DISC1: variants seen among roughly 807,000 people sequenced by gnomAD.
The protein encoded by DISC1 is DISC1 scaffold protein.
In DISC1, 57 loss-of-function variants were observed where a neutral mutation model predicts 84.5. That is an observed-to-expected ratio of 0.67 (90% CI 0.55 to 0.84). The LOEUF (loss-of-function observed/expected upper bound fraction) is 0.84. DISC1 is among the 40% of genes least tolerant of loss of function. The probability of loss-of-function intolerance (pLI) is 0.00; values close to 1 mark genes in which losing one functional copy is unlikely to be tolerated. For synonymous variants in DISC1, 411 were observed against 415.2 expected, an observed-to-expected ratio of 0.99 and a Z score of 0.12; for missense variants, 1,000 against 1,057.8, an observed-to-expected ratio of 0.95 and a Z score of 0.76.
intron 9 of DISC1, among the ~76,000 whole-genome samples, chr1:231,876,921 T>C (rs1336798666): frequency 6.6e-6 from 1 of 152,190 alleles, no homozygotes; most frequent in Non-Finnish European, 1.5e-5. Flanking sequence ...GCAGGGTGTG[T>C]ACAGGGTGCC....
intron 6 of DISC1, among the ~76,000 whole-genome samples, chr1:231,781,617 C>T (rs1469583379): frequency 6.6e-6 from 1 of 152,138 alleles, no homozygotes; most frequent in African/African-American, 2.4e-5. Context: ...TTTTAGTTTC[C>T]ATTATTATCA....
At position 231,871,232 on chromosome 1, in the gene DISC1, C is replaced by T. The variant is rs537555416; in HGVS notation, c.1981+52715C>T. On this transcript the variant is annotated intron_variant, in intron 9 of 12. Coordinates refer to ENST00000439617, the MANE Select transcript of DISC1 (RefSeq NM_018662.3). ...AGGCTACAAATGCATATATACTTTGCAGAGCATTGCCTATTAGTCGCCATT... is the reference window on the plus strand; with the variant it reads ...AGGCTACAAATGCATATATACTTTGTAGAGCATTGCCTATTAGTCGCCATT... 2.0e-5 allele frequency among the ~76,000 whole-genome samples: 3 copies of T among 152,280 alleles called. No individual in the cohort carries two copies. The South Asian group carries it at 6.2e-4, about 32-fold the overall frequency.
At chr1:231,912,919 G>A (rs1306628981) in intron 9 of DISC1, among the ~76,000 whole-genome samples, 2 of 131,184 alleles carry the variant, frequency 1.5e-5, no homozygotes, top group African/African-American at 5.8e-5. Context: ...CTTTCTTTCT[G>A]TTCTTCTTTT....
In DISC1 at chr1:232,009,879, C is replaced by G. The variant is rs557675419; in HGVS notation, c.2307+830C>G. Among the ~76,000 whole-genome samples, 23 of 152,280 alleles carry G rather than the reference C, an allele frequency of 1.5e-4. No individual in the cohort carries two copies. The highest frequency in any genetic ancestry group is 1.4e-3 in the Admixed American group (21 of 15,294). ...GAGGCTGGAGGAACTTGACACATGG[C>G]TTTCAAGTCTCATGGTTGATGTTAG... is the stretch of plus-strand genomic sequence containing the variant. On this transcript the variant is annotated intron_variant, in intron 11 of 12. Coordinates refer to ENST00000439617, the MANE Select transcript of DISC1 (RefSeq NM_018662.3). This position sits in a 1 kb window ranked among gnomAD's most constrained non-coding sequence, Gnocchi z 4.6.
intron 9 of DISC1, among the ~76,000 whole-genome samples, chr1:231,836,252 A>AT (rs931707734): frequency 1.3e-5 from 2 of 151,996 alleles, no homozygotes; most frequent in African/African-American, 2.4e-5. Flanking sequence ...TTACAGGACT[A>AT]TTTTTTTCCT....
At chr1:231,668,671 C>A (rs1256482899) in intron 1 of DISC1, among the ~76,000 whole-genome samples, 1 of 152,178 alleles carries the variant, frequency 6.6e-6, no homozygotes, top group African/African-American at 2.4e-5. Context: ...TGGCCAACAG[C>A]AAACCATATT....
Position 231,775,438 on chromosome 1 carries a change from T to C in DISC1, c.1634+4368T>C, listed in dbSNP as rs187861084. ...ATGTGCTGGGGTCAAGGACACCCAG[T>C]GATTTTCGGTTTGGGTGTGATAACA... On this transcript the variant is annotated intron_variant, in intron 6 of 12. Coordinates refer to ENST00000439617, the MANE Select transcript of DISC1 (RefSeq NM_018662.3). Among the ~76,000 whole-genome samples the C allele has an allele frequency of 3.6e-3, 543 of 152,312 alleles. 1 individual carries two copies. The highest frequency in any genetic ancestry group is 0.031 in the Middle Eastern group (9 of 294).
intron 10 of DISC1, among the ~76,000 whole-genome samples, chr1:231,987,837 A>T (rs1029224926): frequency 5.3e-5 from 8 of 152,174 alleles, no homozygotes; most frequent in African/African-American, 1.7e-4. Context: ...ATTTGCATCT[A>T]AATTATATGA....
At chr1:231,678,485 A>G (rs1203078688) in intron 1 of DISC1, among the ~76,000 whole-genome samples, 1 of 152,234 alleles carries the variant, frequency 6.6e-6, no homozygotes, top group Non-Finnish European at 1.5e-5. Flanking sequence ...CTAGGGGAGC[A>G]TGAGTTCATG....
intron 9 of DISC1, among the ~76,000 whole-genome samples, chr1:231,942,131 T>G (rs201696791): frequency 5.3e-5 from 8 of 152,040 alleles, no homozygotes; most frequent in Non-Finnish European, 1.2e-4. Flanking sequence ...CTGAAGGTTT[T>G]GGGAAGGATT....
chr1:231,641,709 T>C (rs1363639060), intron 1 of DISC1, among the ~76,000 whole-genome samples: 2 of 152,236 alleles, frequency 1.3e-5, no homozygotes, highest in African/African-American at 4.8e-5. Flanking sequence ...TTACAATCCC[T>C]GAGCTAGACA....
intron 1 of DISC1, among the ~76,000 whole-genome samples, chr1:231,645,843 C>T (rs2060077519): frequency 6.6e-6 from 1 of 151,376 alleles, no homozygotes; most frequent in South Asian, 2.1e-4. Context: ...GACATGAACT[C>T]ATCCTTTTTT....
intron 6 of DISC1, among the ~76,000 whole-genome samples, chr1:231,772,848 C>T (rs758173237): frequency 4.6e-5 from 7 of 152,198 alleles, no homozygotes; most frequent in Non-Finnish European, 8.8e-5. Context: ...TCCCATTCCC[C>T]TTCTATCCCG....
At chr1:231,756,891 C>T (rs2125365120) in intron 4 of DISC1, among the ~76,000 whole-genome samples, 1 of 152,218 alleles carries the variant, frequency 6.6e-6, no homozygotes, top group Admixed American at 6.5e-5. Flanking sequence ...TGCATATTAA[C>T]ACAATTACCT....
In DISC1 at chr1:231,651,349, G is replaced by T. The variant is rs137912124; in HGVS notation, c.67+24415G>T. The stretch of plus-strand genomic sequence containing the variant: ...CTCAGCTGCAGGTCTGTTGGAGTTT[G>T]CTGGAGGTCCACTCCAGACCCTGTT... On this transcript the variant is annotated intron_variant, in intron 1 of 12. Coordinates refer to ENST00000439617, the MANE Select transcript of DISC1 (RefSeq NM_018662.3). 2.8e-3 allele frequency among the ~76,000 whole-genome samples: 424 copies of T among 152,308 alleles called. 7 individuals are homozygous for T. Among genetic ancestry groups the T allele is most frequent in the East Asian group, 9.3e-3 (48 of 5,174 alleles).
chr1:232,029,797 CTA>C (rs1669828195), intron 12 of DISC1, among the ~76,000 whole-genome samples: 2 of 152,180 alleles, frequency 1.3e-5, no homozygotes, highest in African/African-American at 2.4e-5. Context: ...TACATAAGGG[CTA>C]TTAGTGTGGC....
chr1:231,896,652 AAAATAT>A (rs2087715677), intron 9 of DISC1, among the ~76,000 whole-genome samples: 1 of 152,180 alleles, frequency 6.6e-6, no homozygotes, highest in Non-Finnish European at 1.5e-5. Flanking sequence ...TCAGGGACCC[AAAATAT>A]CTTCTGTGGT....
chr1:231,652,334 T>G (rs1160210962), intron 1 of DISC1, among the ~76,000 whole-genome samples: 1 of 152,228 alleles, frequency 6.6e-6, no homozygotes, highest in Non-Finnish European at 1.5e-5. Flanking sequence ...TATTATTGTG[T>G]TATTATCGTT....
chr1:231,673,917 A>G (rs1299768310), intron 1 of DISC1, among the ~76,000 whole-genome samples: 2 of 152,208 alleles, frequency 1.3e-5, no homozygotes, highest in African/African-American at 2.4e-5. Flanking sequence ...GTTTAGTCCT[A>G]TGCTCTAAGA....
Sources: gnomAD v4.1 joint callset for allele counts (sites outside exome capture counted in the v4.1 genomes callset) on GRCh38, gnomAD v4.1.1 for gene constraint, Gnocchi (gnomAD v3.1) non-coding constraint, MANE v1.5 for transcripts, NCBI Gene and HGNC (gene_info 2026-07-23, HGNC 2026-07-21) for gene names.